KCNU1: variants seen among roughly 807,000 people sequenced by gnomAD.
The protein encoded by KCNU1 is potassium channel subfamily U member 1.
KCNU1 carries 93 observed loss-of-function variants against 126.8 expected under a neutral mutation model. The ratio of observed to expected loss-of-function variants is 0.73; its 90% CI spans 0.62 to 0.87. The LOEUF (loss-of-function observed/expected upper bound fraction) is 0.87, where lower values mean the gene tolerates loss of function less well. Among genes scored for constraint, KCNU1 ranks in the 40% least tolerant of loss-of-function variants. The pLI is 0.00. For synonymous variants in KCNU1, 523 were observed against 494.2 expected, an observed-to-expected ratio of 1.06 and a Z score of -0.77; for missense variants, 1,330 against 1,367.1, an observed-to-expected ratio of 0.97 and a Z score of 0.43.
intron 18 of KCNU1, among the ~76,000 whole-genome samples, chr8:36,850,245 C>T (rs1317561957): frequency 6.6e-6 from 1 of 152,062 alleles, no homozygotes; most frequent in East Asian, 1.9e-4. Context: ...AATATTTTCT[C>T]CCATTCTGTG....
At chr8:36,898,595 T>C (rs1807291986) in intron 19 of KCNU1, among the ~76,000 whole-genome samples, 2 of 152,064 alleles carry the variant, frequency 1.3e-5, no homozygotes. Context: ...AAAATAGTCT[T>C]GTGTCTGAAA....
chr8:36,833,112 A>G (rs1804614889), intron 10 of KCNU1, among the ~76,000 whole-genome samples: 1 of 152,132 alleles, frequency 6.6e-6, no homozygotes, highest in Non-Finnish European at 1.5e-5. Flanking sequence ...TGTTCTTTAT[A>G]AAAATTAGTT....
In KCNU1 at chr8:36,909,569, A is replaced by G. The variant is rs746818820; in HGVS notation, c.2331+34A>G. 3 of 1,206,474 alleles carry G rather than the reference A, an allele frequency of 2.5e-6. No individual in the cohort carries two copies. The East Asian group carries it at 7.0e-5, about 28-fold the overall frequency. 74.7% of individuals were successfully genotyped at this position (1,206,474 alleles called of 1,614,324 possible). ...CATATAAGGAAAAGTTAATATTTATAAGGATTTCAATATTAATAGGACTAG... is the reference window on the plus strand; with the variant it reads ...CATATAAGGAAAAGTTAATATTTATGAGGATTTCAATATTAATAGGACTAG... On this transcript the variant is annotated intron_variant, in intron 21 of 26. Coordinates refer to ENST00000399881, the MANE Select transcript of KCNU1 (RefSeq NM_001031836.3).
chr8:36,806,132 G>T, intron 4 of KCNU1, 137 bp from the exon 5 acceptor site: 1 of 555,840 alleles, frequency 1.8e-6, no homozygotes, highest in Non-Finnish European at 3.2e-6. Context: ...ATAAATATAT[G>T]TGTCTGTGTA....
intron 19 of KCNU1, among the ~76,000 whole-genome samples, chr8:36,896,945 C>T (rs1203879774): frequency 6.6e-6 from 1 of 152,014 alleles, no homozygotes; most frequent in East Asian, 1.9e-4. Flanking sequence ...ACCTAAAAAA[C>T]TTTCACAGTA....
At chr8:36,878,870 A>G (rs1201348068) in intron 19 of KCNU1, among the ~76,000 whole-genome samples, 1 of 147,944 alleles carries the variant, frequency 6.8e-6, no homozygotes, top group East Asian at 1.9e-4. Flanking sequence ...TTTATATTGT[A>G]TATGTATATA....
At chr8:36,926,887 A>T (rs889199159) in intron 24 of KCNU1, among the ~76,000 whole-genome samples, 1 of 152,144 alleles carries the variant, frequency 6.6e-6, no homozygotes, top group African/African-American at 2.4e-5. Flanking sequence ...TGCATTCAGG[A>T]CAGGCTCCCT....
chr8:36,881,796 T>TCA (rs10522369), intron 19 of KCNU1, among the ~76,000 whole-genome samples: 5,671 of 138,834 alleles, frequency 0.041, 129 homozygotes, highest in South Asian at 0.13. Flanking sequence ...AAAAGTCAAA[T>TCA]CACACACACA....
intron 19 of KCNU1, chr8:36,888,900 A>G (rs1408798197): frequency 4.9e-6 from 2 of 411,896 alleles, no homozygotes; most frequent in Non-Finnish European, 9.9e-6. Context: ...TCTTTTTGAG[A>G]TAGGGTCTCG....
At chr8:36,785,008 T>C (rs891385450) in intron 1 of KCNU1, among the ~76,000 whole-genome samples, 1 of 152,232 alleles carries the variant, frequency 6.6e-6, no homozygotes, top group Non-Finnish European at 1.5e-5. Context: ...CTTTCATAAA[T>C]TGTTCATGCA....
chr8:36,873,541 A>G (rs921102722), intron 19 of KCNU1, among the ~76,000 whole-genome samples: 2 of 152,190 alleles, frequency 1.3e-5, no homozygotes, highest in Non-Finnish European at 2.9e-5. Context: ...ATCTGTAACA[A>G]TCCCCATTTA....
intron 6 of KCNU1, among the ~76,000 whole-genome samples, chr8:36,807,729 CAAAA>C (rs754633781): frequency 5.4e-5 from 6 of 110,614 alleles, no homozygotes; most frequent in East Asian, 2.3e-4. Flanking sequence ...GTCCCTCCAC[CAAAA>C]AAAAAAAAAA....
intron 10 of KCNU1, among the ~76,000 whole-genome samples, chr8:36,832,073 A>T (rs1388006335): frequency 6.6e-6 from 1 of 152,130 alleles, no homozygotes; most frequent in East Asian, 1.9e-4. Flanking sequence ...ATAGTTGCAG[A>T]TATGCAGCGT....
At position 36,936,004 on chromosome 8, in the gene KCNU1, A is replaced by C. The variant is rs1808847045; in HGVS notation, c.*84A>C. On this transcript the variant is annotated 3_prime_UTR_variant, in exon 27 of 27. Coordinates refer to ENST00000399881, the MANE Select transcript of KCNU1 (RefSeq NM_001031836.3). ...GCTAACTTTGAACAAAGAAAATAAG[A>C]ATGGAAGCATGCCATTTTTCTGCCC... is the stretch of plus-strand genomic sequence containing the variant. 1 of 1,298,620 alleles carries C rather than the reference A, an allele frequency of 7.7e-7. No individual in the cohort carries two copies. The highest frequency in any genetic ancestry group is 1.5e-5 in the African/African-American group (1 of 67,444). 80.4% of individuals were successfully genotyped at this position (1,298,620 alleles called of 1,614,324 possible). A position where few individuals can be genotyped will look rare whatever the true frequency, so the allele number is the denominator to read the frequency against.
At position 36,836,287 on chromosome 8, in the gene KCNU1, T is replaced by C. The variant is rs1417244227; in HGVS notation, c.1296-9T>C. On this transcript the variant is annotated splice_polypyrimidine_tract_variant and intron_variant, in intron 12 of 26. Coordinates refer to ENST00000399881, the MANE Select transcript of KCNU1 (RefSeq NM_001031836.3). ...ACATGACTAATGAGAGTGTTTGGGG[T>C]TTATATAGGGTGCTCTCTATCAAGA... is the stretch of plus-strand genomic sequence containing the variant. 2.5e-6 allele frequency: 4 copies of C among 1,584,150 alleles called. No individual in the cohort carries two copies. The highest frequency in any genetic ancestry group is 3.5e-6 in the Non-Finnish European group (4 of 1,153,720).
chr8:36,878,099 T>C (rs1445881774), intron 19 of KCNU1, among the ~76,000 whole-genome samples: 1 of 152,210 alleles, frequency 6.6e-6, no homozygotes, highest in African/African-American at 2.4e-5. Context: ...CTTCTCATTA[T>C]AAAGAATGAT....
chr8:36,853,899 G>T (rs901950420), intron 18 of KCNU1, among the ~76,000 whole-genome samples: 1 of 151,892 alleles, frequency 6.6e-6, no homozygotes, highest in Admixed American at 6.6e-5. Context: ...TTTATTGTAG[G>T]GTTTGTCATA....
At chr8:36,843,043 G>A (rs574873420) in intron 16 of KCNU1, among the ~76,000 whole-genome samples, 1 of 152,252 alleles carries the variant, frequency 6.6e-6, no homozygotes, top group East Asian at 1.9e-4. Flanking sequence ...GGGTGAGCCT[G>A]AGAATTCTTT....
Position 36,808,714 on chromosome 8 carries a change from CT to C in KCNU1, c.657-3del. ...CCAACAGCTCTTTGTCTCTCTTCCTCTAGTAACTCAGTGAAGTTTTCCAAAC... is the reference window on the plus strand; with the variant it reads ...CCAACAGCTCTTTGTCTCTCTTCCTCAGTAACTCAGTGAAGTTTTCCAAAC... On this transcript the variant is annotated splice_polypyrimidine_tract_variant and splice_region_variant and intron_variant, in intron 6 of 26. Transcript: ENST00000399881. 6.3e-6 allele frequency: 10 copies of C among 1,595,184 alleles called. No homozygotes were observed. The highest frequency in any genetic ancestry group is 8.6e-6 in the Non-Finnish European group (10 of 1,165,084).
Sources: gnomAD v4.1 joint callset for allele counts (sites outside exome capture counted in the v4.1 genomes callset) on GRCh38, gnomAD v4.1.1 for gene constraint, MANE v1.5 for transcripts, NCBI Gene and HGNC (gene_info 2026-07-23, HGNC 2026-07-21) for gene names.